The following TRAPPC9 variants were observed in gnomAD, a reference collection of about 807,000 sequenced individuals.
TRAPPC9 encodes IKK2 binding protein.
TRAPPC9 carries 83 observed loss-of-function variants against 124.0 expected under a neutral mutation model. The observed-to-expected ratio is 0.67, with a 90% confidence interval of 0.56 to 0.80. TRAPPC9 has a LOEUF of 0.80. TRAPPC9 is among the 30% of genes least tolerant of loss of function. The pLI, the probability that TRAPPC9 is intolerant of heterozygous loss-of-function variation, is 0.00. For synonymous variants in TRAPPC9, 638 were observed against 617.5 expected (o/e 1.03, Z -0.49); for missense variants, 1,302 against 1,508.3 (o/e 0.86, Z 2.27).
intron 17 of TRAPPC9, among the ~76,000 whole-genome samples, chr8:140,133,327 G>T (rs555804481): frequency 2.0e-5 from 3 of 152,298 alleles, no homozygotes; most frequent in Admixed American, 1.3e-4. Context: ...CTCTCCTGAT[G>T]CAGGAAAAAT....
chr8:139,926,950 A>G (rs995751285), intron 19 of TRAPPC9, among the ~76,000 whole-genome samples: 1 of 152,262 alleles, frequency 6.6e-6, no homozygotes, highest in African/African-American at 2.4e-5. Flanking sequence ...ATATAAAGAA[A>G]TCTCAAAACC....
intron 17 of TRAPPC9, among the ~76,000 whole-genome samples, chr8:140,064,986 T>C (rs978589791): frequency 6.6e-6 from 1 of 152,188 alleles, no homozygotes; most frequent in African/African-American, 2.4e-5. Context: ...CACACAACTG[T>C]CATCTCCCCT....
intron 21 of TRAPPC9, among the ~76,000 whole-genome samples, chr8:139,733,154 T>G (rs572827818): frequency 6.6e-6 from 1 of 152,156 alleles, no homozygotes; most frequent in African/African-American, 2.4e-5. Flanking sequence ...GAGCTCATTC[T>G]GGATTAGAGT....
At chr8:140,034,075 C>T (rs1356533330) in intron 17 of TRAPPC9, among the ~76,000 whole-genome samples, 1 of 152,164 alleles carries the variant, frequency 6.6e-6, no homozygotes, top group Non-Finnish European at 1.5e-5. Context: ...CTTTTTGATA[C>T]ACCTGCTAGG....
intron 17 of TRAPPC9, among the ~76,000 whole-genome samples, chr8:140,190,740 G>C (rs528593274): frequency 1.3e-5 from 2 of 152,316 alleles, no homozygotes; most frequent in Middle Eastern, 6.8e-3. Context: ...ACTCTAGAAA[G>C]TTGCTATTTG....
At chr8:139,995,495 G>C (rs1171327312) in intron 18 of TRAPPC9, among the ~76,000 whole-genome samples, 1 of 152,122 alleles carries the variant, frequency 6.6e-6, no homozygotes, top group African/African-American at 2.4e-5. Context: ...AAACCAGGGG[G>C]CCAGTTTGCA....
At chr8:140,070,203 C>T (rs920783002) in intron 17 of TRAPPC9, among the ~76,000 whole-genome samples, 2 of 152,194 alleles carry the variant, frequency 1.3e-5, no homozygotes, top group Admixed American at 6.5e-5. Context: ...TTTGCTAATA[C>T]AAATACACTT....
At chr8:140,268,359 G>A (rs556060966) in intron 15 of TRAPPC9, among the ~76,000 whole-genome samples, 1 of 152,140 alleles carries the variant, frequency 6.6e-6, no homozygotes. Flanking sequence ...AGCTTTTGGT[G>A]CTGTAGGACT....
chr8:140,359,998 G>A, intron 9 of TRAPPC9, 52 bp downstream of exon 9: 1 of 1,612,136 alleles, frequency 6.2e-7, no homozygotes, highest in Non-Finnish European at 8.5e-7. Context: ...CATCTAAAGT[G>A]CTCTCATTCA....
At chr8:140,002,905 T>A (rs1251941134) in intron 18 of TRAPPC9, among the ~76,000 whole-genome samples, 1 of 138,436 alleles carries the variant, frequency 7.2e-6, no homozygotes, top group African/African-American at 2.6e-5. Context: ...ATACAAAAGT[T>A]ACTCAAAACA....
intron 17 of TRAPPC9, among the ~76,000 whole-genome samples, chr8:140,181,543 G>A (rs780978484): frequency 1.3e-5 from 2 of 151,986 alleles, no homozygotes; most frequent in African/African-American, 2.4e-5. Context: ...CACCCACCTC[G>A]GCCTCCCAAA....
At chr8:140,407,057 C>A (rs1485411092) in intron 5 of TRAPPC9, among the ~76,000 whole-genome samples, 1 of 152,226 alleles carries the variant, frequency 6.6e-6, no homozygotes, top group Non-Finnish European at 1.5e-5. Context: ...TTTTTTCACA[C>A]TCAGCGGAAG....
At chr8:140,331,840 G>A (rs1009656350) in intron 9 of TRAPPC9, among the ~76,000 whole-genome samples, 3 of 152,082 alleles carry the variant, frequency 2.0e-5, no homozygotes, top group Non-Finnish European at 4.4e-5. Context: ...ATACAGGAGG[G>A]TGCAGAGAAA....
chr8:140,075,241 G>A lies in TRAPPC9; in HGVS notation c.2557-51162C>T, dbSNP rs947556342. Reference sequence around the variant, plus strand: ...ACCTACCACACTAGACTGTCTTGGAGGTTAAATGCTATAATGTACATAAAA... The same window carrying A: ...ACCTACCACACTAGACTGTCTTGGAAGTTAAATGCTATAATGTACATAAAA... On this transcript the variant is annotated intron_variant, in intron 17 of 22. Transcript: ENST00000438773. Among the ~76,000 whole-genome samples the A allele has an allele frequency of 8.2e-4, 125 of 152,280 alleles. 1 individual carries two copies. The highest frequency in any genetic ancestry group is 3.0e-3 in the African/African-American group (124 of 41,550).
chr8:139,881,275 C>G (rs1205711482), intron 21 of TRAPPC9: 1 of 152,150 alleles, frequency 6.6e-6, no homozygotes, highest in Non-Finnish European at 1.5e-5. Flanking sequence ...TATATTAAGA[C>G]AAGTTGAACC....
chr8:139,929,995 T>C (rs989566642), intron 19 of TRAPPC9, among the ~76,000 whole-genome samples: 2 of 152,354 alleles, frequency 1.3e-5, no homozygotes, highest in Middle Eastern at 3.4e-3. Flanking sequence ...GCCATCAATA[T>C]ACGTGTTTGG....
chr8:140,386,212 T>C lies in TRAPPC9; in HGVS notation c.1134+11408A>G, dbSNP rs1386088922. On this transcript the variant is annotated intron_variant, in intron 7 of 22. Coordinates refer to ENST00000438773, the MANE Select transcript of TRAPPC9 (RefSeq NM_001160372.4). The stretch of plus-strand genomic sequence containing the variant: ...TATGACAAACCCACAGCCAACATCA[T>C]ACTGAATGGGCAAAAACTGGAAGCA... Among the ~76,000 whole-genome samples the C allele has an allele frequency of 3.9e-5, 6 of 152,304 alleles. No individual in the cohort carries two copies. The East Asian group carries it at 1.2e-3, about 29-fold the overall frequency.
chr8:140,194,171 C>T (rs951447285), intron 17 of TRAPPC9, among the ~76,000 whole-genome samples: 1 of 152,042 alleles, frequency 6.6e-6, no homozygotes, highest in South Asian at 2.1e-4. Context: ...TGGCAAAGGC[C>T]CCTGTCTATC....
At chr8:140,391,261 T>TTCCTG (rs1254495020) in intron 7 of TRAPPC9, among the ~76,000 whole-genome samples, 1 of 152,216 alleles carries the variant, frequency 6.6e-6, no homozygotes, top group Non-Finnish European at 1.5e-5. Flanking sequence ...CATTCCTGAA[T>TTCCTG]ATTTGGTTTG....
Sources: allele counts gnomAD v4.1 joint callset (sites outside exome capture counted in the v4.1 genomes callset), GRCh38; gene constraint gnomAD v4.1.1; transcripts MANE v1.5; gene names NCBI Gene and HGNC (gene_info 2026-07-23, HGNC 2026-07-21).